The following DNAJB6 variants were observed in gnomAD, a reference collection of about 807,000 sequenced individuals.
DNAJB6 encodes dnaJ homolog subfamily B member 6.
In DNAJB6, 16 loss-of-function variants were observed where a neutral mutation model predicts 42.7. That is an observed-to-expected ratio of 0.37 (90% CI 0.25 to 0.57). The LOEUF (loss-of-function observed/expected upper bound fraction) is 0.57. Ranked by LOEUF, DNAJB6 falls within the 20% of genes least tolerant of loss-of-function variation. DNAJB6 has a pLI of 0.74. For synonymous variants in DNAJB6, 170 were observed against 163.5 expected (o/e 1.04, Z -0.30); for missense variants, 347 against 416.8 (o/e 0.83, Z 1.46).
chr7:157,400,370 G>C (rs539308619), intron 8 of DNAJB6, among the ~76,000 whole-genome samples: 13 of 152,402 alleles, frequency 8.5e-5, no homozygotes, highest in Admixed American at 8.5e-4. Flanking sequence ...GGACACGCTC[G>C]TGTGTGGTGT....
At chr7:157,377,478 A>G (rs1319638789) in intron 5 of DNAJB6, among the ~76,000 whole-genome samples, 1 of 152,208 alleles carries the variant, frequency 6.6e-6, no homozygotes, top group Non-Finnish European at 1.5e-5. Flanking sequence ...AATCTGCATG[A>G]GTCTAGAGAA....
chr7:157,354,518 C>A (rs1799172905), intron 1 of DNAJB6, among the ~76,000 whole-genome samples: 1 of 151,810 alleles, frequency 6.6e-6, no homozygotes, highest in Admixed American at 6.6e-5. Context: ...CTCGCTCTCA[C>A]CCCAAGCTGG....
At chr7:157,400,149 G>C (rs1043764911) in intron 8 of DNAJB6, among the ~76,000 whole-genome samples, 1 of 152,200 alleles carries the variant, frequency 6.6e-6, no homozygotes, top group Non-Finnish European at 1.5e-5. Flanking sequence ...CCTTTTTTCG[G>C]TTTCTTTGTG....
chr7:157,393,098 C>G (rs372694191), intron 8 of DNAJB6, among the ~76,000 whole-genome samples: 1 of 152,050 alleles, frequency 6.6e-6, no homozygotes, highest in Non-Finnish European at 1.5e-5. Context: ...CTCAGCCTCC[C>G]GAGTAGCTGG....
chr7:157,361,252 A>G (rs1035299585), intron 2 of DNAJB6, among the ~76,000 whole-genome samples: 1 of 149,192 alleles, frequency 6.7e-6, no homozygotes, highest in African/African-American at 2.5e-5. Context: ...TCTGCCTCCC[A>G]GGTTCAGGCG....
chr7:157,345,095 G>C (rs1798616181), intron 1 of DNAJB6, among the ~76,000 whole-genome samples: 1 of 152,094 alleles, frequency 6.6e-6, no homozygotes, highest in African/African-American at 2.4e-5. Flanking sequence ...CCAGGTTCAA[G>C]TGATTCTCCT....
At chr7:157,360,422 A>G (rs377169864) in intron 2 of DNAJB6, among the ~76,000 whole-genome samples, 1 of 152,226 alleles carries the variant, frequency 6.6e-6, no homozygotes, top group East Asian at 1.9e-4. Context: ...GGGTGGGGAC[A>G]TAGCCAGCCC....
intron 5 of DNAJB6, chr7:157,378,820 A>G (rs886900357): frequency 2.6e-5 from 4 of 152,176 alleles, no homozygotes; most frequent in African/African-American, 4.8e-5. Flanking sequence ...CCAGCACATG[A>G]TAAGTAGCTC....
At chr7:157,353,507 A>G (rs980862907) in intron 1 of DNAJB6, among the ~76,000 whole-genome samples, 3 of 151,800 alleles carry the variant, frequency 2.0e-5, no homozygotes, top group Non-Finnish European at 4.4e-5. Context: ...TCTAGAAACC[A>G]TCCGAGGAAC....
rs551159856 is a variant in DNAJB6, at chr7:157,367,618, T to C, written c.346+135T>C. On this transcript the variant is annotated intron_variant, in intron 5 of 9. Transcript: ENST00000262177. Reference sequence around the variant, plus strand: ...GCTCATGCCTGTAATCCCAGCACTTTGGGAGCCTGAGGCGGGCAGATCACC... The same window carrying C: ...GCTCATGCCTGTAATCCCAGCACTTCGGGAGCCTGAGGCGGGCAGATCACC... 8 of 622,828 alleles carry C rather than the reference T, an allele frequency of 1.3e-5. No homozygotes were observed. The East Asian group carries it at 2.3e-4, about 18-fold the overall frequency. 38.6% of individuals were successfully genotyped at this position (622,828 alleles called of 1,614,324 possible). A position where few individuals can be genotyped will look rare whatever the true frequency, so the allele number is the denominator to read the frequency against.
At chr7:157,374,549 G>A (rs143897978) in intron 5 of DNAJB6, among the ~76,000 whole-genome samples, 10 of 152,132 alleles carry the variant, frequency 6.6e-5, no homozygotes, top group East Asian at 1.9e-4. Context: ...ATGAGCCACC[G>A]TGCCAGGCCG....
At chr7:157,396,335 T>G (rs914294727) in intron 8 of DNAJB6, among the ~76,000 whole-genome samples, 1 of 152,206 alleles carries the variant, frequency 6.6e-6, no homozygotes, top group African/African-American at 2.4e-5. Flanking sequence ...CGGGGCAGTC[T>G]CAGGGCGACG....
intron 7 of DNAJB6, 69 bp from the exon 8 acceptor site, chr7:157,385,472 C>A: frequency 6.5e-7 from 1 of 1,527,978 alleles, no homozygotes; most frequent in Non-Finnish European, 8.9e-7. Context: ...TGTCCTTAAA[C>A]AACTTAGTTA....
At chr7:157,383,330 A>G (rs1272557061) in intron 6 of DNAJB6, among the ~76,000 whole-genome samples, 1 of 152,064 alleles carries the variant, frequency 6.6e-6, no homozygotes, top group Non-Finnish European at 1.5e-5. Context: ...TGATTCTCTC[A>G]TTTTTATTTT....
chr7:157,416,080 G>A lies in DNAJB6; in HGVS notation c.963G>A (p.Ser321=), dbSNP rs1245994362. 1.9e-6 allele frequency: 3 copies of A among 1,613,760 alleles called. No individual in the cohort carries two copies. In the African/African-American group the frequency reaches 4.0e-5, roughly 22 times the overall value. ...GAGAGGAGTCGAAGAAGAAGAAGTC[G>A]ACCAAAGGCAATCACTAGACCGGAC... ...KQREESKKKK[S]TKGNH The change falls in exon 10 of 10, where the codon TCG becomes TCA. Residue 321 remains serine, a synonymous_variant. Coordinates refer to ENST00000262177, the MANE Select transcript of DNAJB6 (RefSeq NM_058246.4).
At chr7:157,344,772 C>T (rs193103458) in intron 1 of DNAJB6, among the ~76,000 whole-genome samples, 35 of 152,104 alleles carry the variant, frequency 2.3e-4, no homozygotes, top group African/African-American at 7.9e-4. Context: ...CACTGCCACA[C>T]CCTACTGAGT....
At chr7:157,381,138 G>C (rs1460660248) in intron 5 of DNAJB6, 1 of 151,926 alleles carries the variant, frequency 6.6e-6, no homozygotes, top group East Asian at 1.9e-4. Flanking sequence ...GTTGCTTCAT[G>C]AATCTCGATT....
chr7:157,370,543 C>T (rs1800158233), intron 5 of DNAJB6, among the ~76,000 whole-genome samples: 1 of 152,078 alleles, frequency 6.6e-6, no homozygotes, highest in South Asian at 2.1e-4. Context: ...TCTGATACAC[C>T]AAGCCATAGA....
In DNAJB6 at chr7:157,363,219, G is replaced by A; in HGVS notation, c.124G>A (p.Ala42Thr). 10 of 1,612,074 alleles carry A rather than the reference G, an allele frequency of 6.2e-6. No homozygotes were observed. The highest frequency in any genetic ancestry group is 8.5e-6 in the Non-Finnish European group (10 of 1,179,228). ...PDKNPENKEE[A>T]ERKFKQVAEA... Reference sequence around the variant, plus strand: ...TAAAAATCCTGAGAATAAAGAAGAAGCAGAGAGAAAATTCAAGCAAGTAGC... The same window carrying A: ...TAAAAATCCTGAGAATAAAGAAGAAACAGAGAGAAAATTCAAGCAAGTAGC... The change falls in exon 3 of 10, where the codon GCA (alanine) becomes ACA (threonine). Residue 42 changes from alanine to threonine, a missense_variant. Physicochemically the swap from Ala to Thr is moderately conservative, Grantham distance 58 (BLOSUM62 0). Around this residue, in one of 3 missense-constraint regions of DNAJB6, gnomAD observed 78 missense variants for 102.1 expected, o/e 0.76. Transcript: ENST00000262177.
Sources: allele counts gnomAD v4.1 joint callset (sites outside exome capture counted in the v4.1 genomes callset), GRCh38; gene constraint gnomAD v4.1.1; regional missense constraint gnomAD v4.1.1; transcripts MANE v1.5; gene names NCBI Gene and HGNC (gene_info 2026-07-23, HGNC 2026-07-21).